CABCOCO1: variants seen among roughly 807,000 people sequenced by gnomAD.
The protein encoded by CABCOCO1 is ciliary-associated calcium-binding coiled-coil protein 1.
Under a neutral mutation model 35.7 loss-of-function variants are expected in CABCOCO1, and 28 were observed. The observed-to-expected ratio is 0.78, with a 90% CI of 0.58 to 1.07. CABCOCO1 has a LOEUF of 1.07. Among genes scored for constraint, CABCOCO1 ranks in the 50% least tolerant of loss-of-function variants. The pLI, the probability that CABCOCO1 is intolerant of heterozygous loss-of-function variation, is 0.00. For synonymous variants in CABCOCO1, 95 were observed against 100.1 expected (o/e 0.95, Z 0.30); for missense variants, 326 against 309.2 (o/e 1.05, Z -0.41).
At chr10:61,722,377 C>G (rs1489392586) in intron 5 of CABCOCO1, among the ~76,000 whole-genome samples, 1 of 151,978 alleles carries the variant, frequency 6.6e-6, no homozygotes, top group Non-Finnish European at 1.5e-5. Context: ...TTTTAATTTA[C>G]TGGAACAACT....
chr10:61,728,453 C>T (rs780097825), intron 5 of CABCOCO1, among the ~76,000 whole-genome samples: 22 of 152,150 alleles, frequency 1.4e-4, no homozygotes, highest in Non-Finnish European at 2.9e-4. Context: ...TGGGCAAAAA[C>T]ATATCAGTCC....
chr10:61,738,491 G>A (rs1445712360), intron 5 of CABCOCO1, among the ~76,000 whole-genome samples: 4 of 152,070 alleles, frequency 2.6e-5, no homozygotes, highest in African/African-American at 9.7e-5. Flanking sequence ...TATATTGCTT[G>A]TAAACAAATA....
intron 5 of CABCOCO1, among the ~76,000 whole-genome samples, chr10:61,710,122 T>C (rs191846299): frequency 6.6e-6 from 1 of 152,174 alleles, no homozygotes; most frequent in East Asian, 1.9e-4. Context: ...TTATTTTAAA[T>C]GATTTTTCCA....
chr10:61,676,864 A>G (rs1199224516), intron 2 of CABCOCO1, among the ~76,000 whole-genome samples: 1 of 151,946 alleles, frequency 6.6e-6, no homozygotes, highest in African/African-American at 2.4e-5. Flanking sequence ...GATCGAGACC[A>G]TCCTGGCTAA....
intron 5 of CABCOCO1, among the ~76,000 whole-genome samples, chr10:61,708,408 T>G (rs140553207): frequency 1.3e-5 from 2 of 152,224 alleles, no homozygotes; most frequent in East Asian, 3.9e-4. Flanking sequence ...GACATCTCTC[T>G]CTTTTCCATT....
intron 3 of CABCOCO1, among the ~76,000 whole-genome samples, chr10:61,684,154 G>T (rs550709474): frequency 2.6e-5 from 4 of 152,250 alleles, no homozygotes; most frequent in Non-Finnish European, 4.4e-5. Context: ...CACTTAGAAT[G>T]ATATAGGAAA....
At chr10:61,682,993 C>T (rs959998825) in intron 3 of CABCOCO1, among the ~76,000 whole-genome samples, 2 of 149,426 alleles carry the variant, frequency 1.3e-5, no homozygotes, top group South Asian at 4.2e-4. Flanking sequence ...TGGATTCAAG[C>T]GATTCTCCTG....
chr10:61,724,868 G>T lies in CABCOCO1; in HGVS notation c.552+34247G>T, dbSNP rs187969724. On this transcript the variant is annotated intron_variant, in intron 5 of 7. Transcript: ENST00000648843. ...AGGAGATATACCTAATGTAAATGACGAGTTAACAGGTGCAGCACACCAACA... is the reference window on the plus strand; with the variant it reads ...AGGAGATATACCTAATGTAAATGACTAGTTAACAGGTGCAGCACACCAACA... Among the ~76,000 whole-genome samples the T allele has an allele frequency of 1.1e-4, 17 of 152,248 alleles. No individual in the cohort carries two copies. The East Asian group carries it at 3.1e-3, about 28-fold the overall frequency.
In CABCOCO1 at chr10:61,760,325, C is replaced by A. The variant is rs894331816; in HGVS notation, c.675+144C>A. 4 of 1,162,468 alleles carry A rather than the reference C, an allele frequency of 3.4e-6. No homozygotes were observed. In the African/African-American group the frequency reaches 4.7e-5, roughly 14 times the overall value. The allele number at this position is 1,162,468 out of a possible 1,614,324, so 72.0% of individuals were successfully genotyped here. ...ACAAATATTTCTCTAAGTGTTGATT[C>A]AAAGATGAGTCCGCTGATGGTAGTT... is the stretch of plus-strand genomic sequence containing the variant. On this transcript the variant is annotated intron_variant, in intron 6 of 7. Transcript: ENST00000648843.
chr10:61,712,773 A>G (rs1356657169), intron 5 of CABCOCO1, among the ~76,000 whole-genome samples: 1 of 152,140 alleles, frequency 6.6e-6, no homozygotes, highest in African/African-American at 2.4e-5. Context: ...TCCTTTCCCC[A>G]TTTCTTGTTT....
At chr10:61,684,999 TG>T (rs1343439909) in intron 3 of CABCOCO1, 3 of 152,212 alleles carry the variant, frequency 2.0e-5, no homozygotes, top group Admixed American at 1.3e-4. Flanking sequence ...TTGTTTTCAT[TG>T]GTGTGTAGCT....
In CABCOCO1 at chr10:61,669,020, G is replaced by GAAAAAAAAAAAAAAAAAAAAAA. The variant is rs200867627; in HGVS notation, c.61-3599_61-3598insAAAAAAAAAAAAAAAAAAAAAA. ...TGGTTCATTTATTTTAAGGGTTGGG[G>GAAAAAAAAAAAAAAAAAAAAAA]AAAAAAAAAAAAACACCTTCCAAGT... On this transcript the variant is annotated intron_variant, in intron 1 of 7. Transcript: ENST00000648843. Among the ~76,000 whole-genome samples the GAAAAAAAAAAAAAAAAAAAAAA allele has an allele frequency of 5.1e-4, 52 of 102,452 alleles. 3 individuals carry two copies. Among genetic ancestry groups the GAAAAAAAAAAAAAAAAAAAAAA allele is most frequent in the African/African-American group, 1.4e-3 (45 of 32,954 alleles). The allele number at this position is 102,452 out of a possible 152,430, so 67.2% of individuals were successfully genotyped here. A position where few individuals can be genotyped will look rare whatever the true frequency, so the allele number is the denominator to read the frequency against.
intron 5 of CABCOCO1, among the ~76,000 whole-genome samples, chr10:61,718,713 T>G (rs755623092): frequency 3.7e-4 from 56 of 152,160 alleles, no homozygotes; most frequent in Non-Finnish European, 7.4e-4. Context: ...AGCAATTAAG[T>G]TTAAAATAAA....
intron 1 of CABCOCO1, among the ~76,000 whole-genome samples, chr10:61,667,799 T>C (rs926195528): frequency 6.6e-6 from 1 of 151,890 alleles, no homozygotes; most frequent in Non-Finnish European, 1.5e-5. Context: ...TATGCAGCCT[T>C]GTAATCCTCA....
At chr10:61,675,770 T>C (rs1051202410) in intron 2 of CABCOCO1, among the ~76,000 whole-genome samples, 42 of 151,892 alleles carry the variant, frequency 2.8e-4, no homozygotes, top group Non-Finnish European at 1.2e-4. Context: ...AAGAAGCTTT[T>C]AGAACTAAGG....
intron 5 of CABCOCO1, among the ~76,000 whole-genome samples, chr10:61,747,969 T>G (rs1264064359): frequency 2.0e-5 from 3 of 152,170 alleles, no homozygotes; most frequent in Non-Finnish European, 4.4e-5. Flanking sequence ...TAGGCTATAC[T>G]CATCCTAATA....
At chr10:61,712,568 A>AAGT (rs1297967890) in intron 5 of CABCOCO1, among the ~76,000 whole-genome samples, 2 of 152,134 alleles carry the variant, frequency 1.3e-5, no homozygotes, top group African/African-American at 4.8e-5. Flanking sequence ...TTTAGTCATG[A>AAGT]AGTCCTTGCC....
chr10:61,757,637 G>T (rs1841924594), intron 5 of CABCOCO1, among the ~76,000 whole-genome samples: 1 of 151,772 alleles, frequency 6.6e-6, no homozygotes, highest in African/African-American at 2.4e-5. Context: ...CCAAAGAAAT[G>T]ATGATGTGGA....
chr10:61,765,658 A>T lies in CABCOCO1; in HGVS notation c.817-281A>T, dbSNP rs374582840. Among the ~76,000 whole-genome samples, 15 of 152,248 alleles carry T rather than the reference A, an allele frequency of 9.9e-5. 1 individual carries two copies. In the East Asian group the frequency reaches 1.5e-3, roughly 16 times the overall value. On this transcript the variant is annotated intron_variant, in intron 7 of 7. Coordinates refer to ENST00000648843, the MANE Select transcript of CABCOCO1 (RefSeq NM_001366906.2). ...TGGTAAAGTCTGTCTGAAAATACAG[A>T]TAAATTATCCTATCTTCCAACACAA...
Sources: gnomAD v4.1 joint callset for allele counts (sites outside exome capture counted in the v4.1 genomes callset) on GRCh38, gnomAD v4.1.1 for gene constraint, MANE v1.5 for transcripts, NCBI Gene and HGNC (gene_info 2026-07-23, HGNC 2026-07-21) for gene names.